The following KSR1 variants were observed in gnomAD, a reference collection of about 807,000 sequenced individuals.
KSR1 encodes kinase suppressor of ras.
KSR1 carries 35 observed loss-of-function variants against 92.9 expected under a neutral mutation model. That is an observed-to-expected ratio of 0.38 (90% CI 0.29 to 0.50). The LOEUF (loss-of-function observed/expected upper bound fraction) is 0.50. Ranked by LOEUF, KSR1 falls within the 20% of genes least tolerant of loss-of-function variation. The pLI is 0.94. For missense variants in KSR1, 972 were observed against 1,158.5 expected (o/e 0.84, Z 2.34); for synonymous variants, 467 against 472.6 (o/e 0.99, Z 0.15).
intron 10 of KSR1, among the ~76,000 whole-genome samples, chr17:27,599,779 C>T (rs2073481104): frequency 6.6e-6 from 1 of 152,158 alleles, no homozygotes; most frequent in South Asian, 2.1e-4. Context: ...TGTAATAACA[C>T]TTAGCCCAAA....
intron 18 of KSR1, among the ~76,000 whole-genome samples, chr17:27,614,904 C>T (rs114621952): frequency 0.01 from 1,584 of 152,274 alleles, 23 homozygotes; most frequent in African/African-American, 0.036. Flanking sequence ...CATTGGTCAA[C>T]GCAATAAAAT....
At chr17:27,543,387 G>T (rs895068310) in intron 1 of KSR1, among the ~76,000 whole-genome samples, 1 of 152,196 alleles carries the variant, frequency 6.6e-6, no homozygotes, top group African/African-American at 2.4e-5. Context: ...AGGTTGGGGC[G>T]CAGTGTAAAG....
chr17:27,494,219 G>A (rs2068911403), intron 1 of KSR1, among the ~76,000 whole-genome samples: 1 of 152,000 alleles, frequency 6.6e-6, no homozygotes, highest in Non-Finnish European at 1.5e-5. Context: ...GGCCCTTAAA[G>A]ACTTGAAATT....
intron 18 of KSR1, 121 bp from the exon 19 acceptor site, chr17:27,617,174 A>T: frequency 9.1e-7 from 1 of 1,097,922 alleles, no homozygotes; most frequent in Non-Finnish European, 1.2e-6. Context: ...CAGGGTGTTC[A>T]GGGGGCCGCC....
chr17:27,533,028 T>G (rs773264220), intron 1 of KSR1, among the ~76,000 whole-genome samples: 1 of 152,186 alleles, frequency 6.6e-6, no homozygotes, highest in Non-Finnish European at 1.5e-5. Context: ...AGAACATTTG[T>G]ACCAAGATGC....
intron 14 of KSR1, among the ~76,000 whole-genome samples, chr17:27,607,350 G>A (rs1263853994): frequency 6.6e-6 from 1 of 151,926 alleles, no homozygotes; most frequent in Non-Finnish European, 1.5e-5. Flanking sequence ...CCTCACCCGG[G>A]GTTTTAGGAG....
In KSR1 at chr17:27,595,828, C is replaced by T. The variant is rs567548643; in HGVS notation, c.1300-1440C>T. Among the ~76,000 whole-genome samples, 10 of 152,242 alleles carry T rather than the reference C, an allele frequency of 6.6e-5. No homozygotes were observed. The East Asian group carries it at 1.9e-3, about 29-fold the overall frequency. The stretch of plus-strand genomic sequence containing the variant: ...CTGGTGCCGTTCTCAGGGGTCTCCT[C>T]TGTGCTGTGGCTGGGGAGCCATGGC... On this transcript the variant is annotated intron_variant, in intron 9 of 20. Transcript: ENST00000644974.
intron 2 of KSR1, among the ~76,000 whole-genome samples, chr17:27,566,789 C>T (rs1418097404): frequency 6.6e-6 from 1 of 152,198 alleles, no homozygotes; most frequent in Non-Finnish European, 1.5e-5. Flanking sequence ...GAAATAGATC[C>T]TCCCCATCCT....
chr17:27,586,810 G>T (rs541413992), intron 5 of KSR1, among the ~76,000 whole-genome samples: 44 of 152,332 alleles, frequency 2.9e-4, no homozygotes, highest in Admixed American at 2.4e-3. Context: ...CTAATTGATT[G>T]AAGTTCCAAC....
intron 1 of KSR1, among the ~76,000 whole-genome samples, chr17:27,527,717 A>G (rs1425769948): frequency 6.6e-6 from 1 of 152,172 alleles, no homozygotes; most frequent in East Asian, 1.9e-4. Context: ...GGCACAAATC[A>G]GACTGTATAA....
chr17:27,605,620 C>T lies in KSR1; in HGVS notation c.1801C>T (p.Arg601Cys), dbSNP rs1188376802. 2 of 1,607,186 alleles carry T rather than the reference C, an allele frequency of 1.2e-6. No homozygotes were observed. Among genetic ancestry groups the T allele is most frequent in the Admixed American group, 1.7e-5 (1 of 59,206 alleles). ...GCTGGGCGAGCCCATCGGGCAGGGC[C>T]GCTGGGGCCGGGTGCACCGCGGCCG... ...VELGEPIGQG[R>C]WGRVHRGRWH... The change falls in exon 14 of 21, where the codon CGC becomes TGC. Residue 601 changes from arginine (R) to cysteine (C), a missense_variant. This residue lies in a region of KSR1 where 260 missense variants were observed against 375.2 expected (regional missense o/e 0.69). Transcript: ENST00000644974.
At chr17:27,549,357 T>A (rs570122464) in intron 1 of KSR1, among the ~76,000 whole-genome samples, 8 of 152,084 alleles carry the variant, frequency 5.3e-5, no homozygotes, top group Non-Finnish European at 1.0e-4. Context: ...CCTGGTCTTC[T>A]GGCAGTGAGC....
chr17:27,480,637 G>A (rs1042458358), intron 1 of KSR1, among the ~76,000 whole-genome samples: 7 of 152,142 alleles, frequency 4.6e-5, no homozygotes, highest in East Asian at 1.9e-4. Flanking sequence ...GACCTCAGGC[G>A]ATCCACCCGC....
intron 2 of KSR1, chr17:27,560,540 A>T (rs1205885735): frequency 1.7e-5 from 9 of 514,986 alleles, no homozygotes; most frequent in Non-Finnish European, 3.1e-5. Context: ...GTTTAAGATG[A>T]GGCCTTCTCC....
chr17:27,495,568 G>C (rs1462485854), intron 1 of KSR1, among the ~76,000 whole-genome samples: 1 of 152,206 alleles, frequency 6.6e-6, no homozygotes, highest in Non-Finnish European at 1.5e-5. Context: ...GAGGCTTGGA[G>C]ATCATTTCTC....
chr17:27,574,225 T>G (rs550136581), intron 2 of KSR1, among the ~76,000 whole-genome samples: 1 of 152,358 alleles, frequency 6.6e-6, no homozygotes, highest in Admixed American at 6.5e-5. Flanking sequence ...AGGGCAAAGA[T>G]ATCCAAACCT....
At chr17:27,542,182 A>G (rs1051479636) in intron 1 of KSR1, among the ~76,000 whole-genome samples, 1 of 152,136 alleles carries the variant, frequency 6.6e-6, no homozygotes, top group African/African-American at 2.4e-5. Flanking sequence ...TTCACTGACA[A>G]TCCAGGTAGA....
chr17:27,500,675 TGAG>T (rs999471505), intron 1 of KSR1, among the ~76,000 whole-genome samples: 4 of 152,182 alleles, frequency 2.6e-5, no homozygotes, highest in African/African-American at 9.7e-5. Flanking sequence ...TGGGAGAAAT[TGAG>T]GAGTACACAT....
intron 1 of KSR1, among the ~76,000 whole-genome samples, chr17:27,505,510 A>G (rs1382981399): frequency 6.6e-6 from 1 of 152,196 alleles, no homozygotes; most frequent in Non-Finnish European, 1.5e-5. Flanking sequence ...CAATACGGCA[A>G]ACAGCCCTGC....
Sources: gnomAD v4.1 joint callset for allele counts (sites outside exome capture counted in the v4.1 genomes callset) on GRCh38, gnomAD v4.1.1 for gene constraint, gnomAD v4.1.1 regional missense constraint, MANE v1.5 for transcripts, NCBI Gene and HGNC (gene_info 2026-07-23, HGNC 2026-07-21) for gene names.